The following DONSON variants were observed in gnomAD, a reference collection of about 807,000 sequenced individuals.
DONSON encodes protein downstream neighbor of Son.
In DONSON, 43 loss-of-function variants were observed where a neutral mutation model predicts 62.1. The observed-to-expected ratio is 0.69, with a 90% CI of 0.54 to 0.89. The LOEUF (loss-of-function observed/expected upper bound fraction) is 0.89, where lower values mean the gene tolerates loss of function less well. Among genes scored for constraint, DONSON ranks in the 40% least tolerant of loss-of-function variants. DONSON has a pLI of 0.00. For synonymous variants in DONSON, 266 were observed against 264.6 expected (o/e 1.01, Z -0.05); for missense variants, 696 against 697.5 (o/e 1.00, Z 0.03).
Position 33,587,569 on chromosome 21 carries a change from A to G in DONSON, c.355T>C (p.Trp119Arg), listed in dbSNP as rs369219330. The G allele has an allele frequency of 5.0e-6, 8 of 1,597,070 alleles. No individual in the cohort carries two copies. Among genetic ancestry groups the G allele is most frequent in the Non-Finnish European group, 6.8e-6 (8 of 1,174,732 alleles). The change falls in exon 2 of 10, where the codon TGG becomes CGG. Residue 119 changes from tryptophan (W) to arginine (R), a missense_variant. Transcript: ENST00000303071. ...GTTCTTTCAGGAAACTTCTCTTCCC[A>G]TAGCAAATCATTTTCTTGATTAGAA... ...LDSNQENDLL[W>R]EEKFPERTTV...
At chr21:33,584,362 T>C (rs1018501656) in intron 4 of DONSON, among the ~76,000 whole-genome samples, 7 of 151,784 alleles carry the variant, frequency 4.6e-5, no homozygotes, top group Admixed American at 3.9e-4. Flanking sequence ...TCTGTATATA[T>C]TTAACCAACA....
At chr21:33,587,730 A>T in intron 1 of DONSON, 128 bp from the exon 2 acceptor site, 1 of 594,724 alleles carries the variant, frequency 1.7e-6, no homozygotes, top group East Asian at 3.0e-5. Context: ...GAGGCACCCC[A>T]TCCAATCTAT....
Position 33,582,007 on chromosome 21 carries a change from C to T in DONSON, c.1095G>A (p.Leu365=). ...TTTTATCTTGCACACCCATCTCTTCCAGCCAGGAAAAACTTTCCTCTTCAT... is the reference window on the plus strand; with the variant it reads ...TTTTATCTTGCACACCCATCTCTTCTAGCCAGGAAAAACTTTCCTCTTCAT... The part of the protein sequence containing the change: ...DEDEEESFSW[L]EEMGVQDKIK... Residue 365 remains leucine (L), a synonymous_variant, in exon 7 of 10, where the codon CTG becomes CTA. Coordinates refer to ENST00000303071, the MANE Select transcript of DONSON (RefSeq NM_017613.4). 6.2e-7 allele frequency: 1 copy of T among 1,614,120 alleles called. No homozygotes were observed. The highest frequency in any genetic ancestry group is 8.5e-7 in the Non-Finnish European group (1 of 1,180,016).
At chr21:33,586,991 G>C (rs2086584602) in intron 2 of DONSON, among the ~76,000 whole-genome samples, 2 of 152,112 alleles carry the variant, frequency 1.3e-5, no homozygotes, top group Admixed American at 6.6e-5. Context: ...AACTATCTTG[G>C]ATAGACCATA....
chr21:33,583,313 G>T (rs759664292), intron 5 of DONSON, among the ~76,000 whole-genome samples, 175 bp downstream of exon 5: 2 of 151,044 alleles, frequency 1.3e-5, no homozygotes, highest in African/African-American at 4.9e-5. Context: ...AAAAGTTTGC[G>T]GACTGCTGGA....
chr21:33,588,322 G>T lies in DONSON; in HGVS notation c.320C>A (p.Pro107Gln), dbSNP rs868557164. ...PAREQPEAPV[P>Q]FLDSNQENDL... The stretch of plus-strand genomic sequence containing the variant: ...GCGGCCAGGCTACAAGACACTCACC[G>T]GGACCGGGGCCTCCGGCTGCTCGCG... Residue 107 changes from proline to glutamine, a missense_variant and splice_region_variant, in exon 1 of 10, where the codon CCG becomes CAG. Physicochemically the swap from Pro to Gln is moderately conservative, Grantham distance 76. Transcript: ENST00000303071. 2 of 1,285,220 alleles carry T rather than the reference G, an allele frequency of 1.6e-6. No individual in the cohort carries two copies. Among genetic ancestry groups the T allele is most frequent in the Non-Finnish European group, 2.0e-6 (2 of 1,020,082 alleles). The allele number at this position is 1,285,220 out of a possible 1,614,324, so 79.6% of individuals were successfully genotyped here.
chr21:33,587,009 C>T (rs1468463310), intron 2 of DONSON, among the ~76,000 whole-genome samples: 3 of 152,134 alleles, frequency 2.0e-5, no homozygotes. Flanking sequence ...ATAAGAAGGT[C>T]ACTTATTTAC....
chr21:33,588,227 G>A (rs1260945828), intron 1 of DONSON, 94 bp downstream of exon 1: 1 of 1,038,392 alleles, frequency 9.6e-7, no homozygotes, highest in Non-Finnish European at 1.2e-6. Context: ...CCATTTCCTT[G>A]CCTCGAACGC....
chr21:33,580,732 A>C (rs2086498169), intron 8 of DONSON, among the ~76,000 whole-genome samples: 1 of 151,982 alleles, frequency 6.6e-6, no homozygotes, highest in Admixed American at 6.6e-5. Context: ...AAATACAAAA[A>C]TTAGCTGGGC....
rs2086438507 is a variant in DONSON, at chr21:33,577,644, C to CCCCTAT, written c.*662_*663insATAGGG. ...ACACACACACACACACACACACACA[C>CCCCTAT]ACACACACACACACACACACACACA... is the stretch of plus-strand genomic sequence containing the variant. On this transcript the variant is annotated 3_prime_UTR_variant, in exon 10 of 10. Coordinates refer to ENST00000303071, the MANE Select transcript of DONSON (RefSeq NM_017613.4). 1.4e-5 allele frequency: 1 copy of CCCCTAT among 70,690 alleles called. No individual in the cohort carries two copies. Among genetic ancestry groups the CCCCTAT allele is most frequent in the East Asian group, 2.9e-4 (1 of 3,404 alleles). 4.4% of individuals were successfully genotyped at this position (70,690 alleles called of 1,614,324 possible).
At chr21:33,586,280 C>T in intron 2 of DONSON, 99 bp from the exon 3 acceptor site, 1 of 966,778 alleles carries the variant, frequency 1.0e-6, no homozygotes, top group Non-Finnish European at 1.6e-6. Context: ...AAGTAAAAAT[C>T]ATATAAGCTG....
intron 8 of DONSON, among the ~76,000 whole-genome samples, chr21:33,580,418 G>C (rs1177741736): frequency 1.1e-5 from 1 of 93,580 alleles, no homozygotes; most frequent in Non-Finnish European, 2.1e-5. Flanking sequence ...AAAAAAATTA[G>C]CCAGGCGTGG....
Position 33,579,330 on chromosome 21 carries a change from G to C in DONSON, c.1563+20C>G. ...GAGGAAACTACAACTAAAACAGTCT[G>C]CTCATAGGTGTCTACTTACCATATC... On this transcript the variant is annotated intron_variant, in intron 9 of 9. Coordinates refer to ENST00000303071, the MANE Select transcript of DONSON (RefSeq NM_017613.4). 6.5e-7 allele frequency: 1 copy of C among 1,549,550 alleles called. No homozygotes were observed. The highest frequency in any genetic ancestry group is 2.3e-5 in the East Asian group (1 of 44,260).
chr21:33,581,099 G>A (rs577079321), intron 8 of DONSON: 23 of 498,482 alleles, frequency 4.6e-5, no homozygotes, highest in African/African-American at 4.2e-4. Context: ...AAAATAAAAA[G>A]GATTTCATAT....
rs574419195 is a variant in DONSON, at chr21:33,586,243, AT to A, written c.403-63del. ...TCAAGAAAAAACCTTCAACCTAAAG[AT>A]TTTATCAGCTAACATGATCACTGAA... On this transcript the variant is annotated intron_variant, in intron 2 of 9. Transcript: ENST00000303071. 204 of 1,345,470 alleles carry A rather than the reference AT, an allele frequency of 1.5e-4. No individual in the cohort carries two copies. The African/African-American group carries it at 2.5e-3, about 17-fold the overall frequency. The allele number at this position is 1,345,470 out of a possible 1,614,324, so 83.3% of individuals were successfully genotyped here.
At chr21:33,587,258 G>A in intron 2 of DONSON, 1 of 648,458 alleles carries the variant, frequency 1.5e-6, no homozygotes. Context: ...AACTGTTAGA[G>A]AGTAAAAGAA....
intron 2 of DONSON, 149 bp downstream of exon 2, chr21:33,587,373 C>G: frequency 7.3e-7 from 1 of 1,373,674 alleles, no homozygotes; most frequent in South Asian, 1.8e-5. Context: ...ATTTTCATCC[C>G]TGGTTGAGAT....
intron 8 of DONSON, among the ~76,000 whole-genome samples, chr21:33,580,987 G>A (rs542633683): frequency 2.6e-5 from 4 of 152,230 alleles, no homozygotes; most frequent in South Asian, 4.1e-4. Flanking sequence ...GGCATGGCGC[G>A]AGAATCACTT....
At chr21:33,583,926 G>T (rs2086546466) in intron 4 of DONSON, among the ~76,000 whole-genome samples, 1 of 149,962 alleles carries the variant, frequency 6.7e-6, no homozygotes, top group Admixed American at 6.7e-5. Context: ...ACTTAATTGA[G>T]AATTGCCTGC....
Sources: allele counts gnomAD v4.1 joint callset (sites outside exome capture counted in the v4.1 genomes callset), GRCh38; gene constraint gnomAD v4.1.1; transcripts MANE v1.5; gene names NCBI Gene and HGNC (gene_info 2026-07-23, HGNC 2026-07-21).